Variants in TMEM266 observed in about 807,000 individuals in gnomAD.
TMEM266 encodes Hv1 related protein 1.
In TMEM266, 33 loss-of-function variants were observed where a neutral mutation model predicts 50.5. The observed-to-expected ratio is 0.65, with a 90% confidence interval of 0.50 to 0.87. The LOEUF is 0.87. Ranked by LOEUF, TMEM266 falls within the 40% of genes least tolerant of loss-of-function variation. The pLI is 0.00. For synonymous variants in TMEM266, 310 were observed against 292.3 expected (o/e 1.06, Z -0.62); for missense variants, 655 against 695.1 (o/e 0.94, Z 0.65).
intron 1 of TMEM266, among the ~76,000 whole-genome samples, chr15:76,075,640 A>T (rs2036594156): frequency 6.6e-6 from 1 of 151,900 alleles, no homozygotes. Context: ...CATGCTTCAC[A>T]CTTCTAGGCA....
intron 1 of TMEM266, among the ~76,000 whole-genome samples, chr15:76,062,490 A>T (rs1049801682): frequency 6.6e-6 from 1 of 152,234 alleles, no homozygotes; most frequent in Non-Finnish European, 1.5e-5. Flanking sequence ...CTGAGACAGG[A>T]TCTTTCTGTC....
Position 76,139,731 on chromosome 15 carries a change from C to T in TMEM266, c.227+1836C>T, listed in dbSNP as rs537295210. Among the ~76,000 whole-genome samples the T allele has an allele frequency of 1.2e-3, 188 of 152,364 alleles. No individual in the cohort carries two copies. The highest frequency in any genetic ancestry group is 4.4e-3 in the African/African-American group (183 of 41,588). ...CCTAGCTATTTCGGAGAATTCATTTCCTGCCCCCGGCCTGAGCCTGTTAGG... is the reference window on the plus strand; with the variant it reads ...CCTAGCTATTTCGGAGAATTCATTTTCTGCCCCCGGCCTGAGCCTGTTAGG... On this transcript the variant is annotated intron_variant, in intron 3 of 10. Coordinates refer to ENST00000388942, the MANE Select transcript of TMEM266 (RefSeq NM_152335.3). This position sits in a 1 kb window ranked among gnomAD's most constrained non-coding sequence, Gnocchi z 4.1.
intron 7 of TMEM266, 66 bp downstream of exon 7, chr15:76,171,197 G>T (rs2038183146): frequency 6.3e-7 from 1 of 1,581,640 alleles, no homozygotes; most frequent in Admixed American, 1.7e-5. Context: ...CAACTGAGAG[G>T]AGATGCCGTG....
chr15:76,177,534 T>C (rs2038306557), intron 8 of TMEM266, among the ~76,000 whole-genome samples: 1 of 152,240 alleles, frequency 6.6e-6, no homozygotes, highest in South Asian at 2.1e-4. Flanking sequence ...CCAATCTTTT[T>C]ATCTGCTTTG....
At chr15:76,140,277 G>C (rs1054219083) in intron 3 of TMEM266, among the ~76,000 whole-genome samples, 1 of 152,224 alleles carries the variant, frequency 6.6e-6, no homozygotes, top group African/African-American at 2.4e-5. Flanking sequence ...GCACAGGACC[G>C]GAGCCAGGGG....
At chr15:76,163,807 G>A (rs920815232) in intron 5 of TMEM266, among the ~76,000 whole-genome samples, 3 of 152,322 alleles carry the variant, frequency 2.0e-5, no homozygotes, top group South Asian at 4.1e-4. Context: ...GCGGAGCCGC[G>A]GCTGGCCTTC....
At chr15:76,065,569 TGTGAATCCTGGCTC>T (rs1253983692) in intron 1 of TMEM266, among the ~76,000 whole-genome samples, 1 of 152,180 alleles carries the variant, frequency 6.6e-6, no homozygotes, top group African/African-American at 2.4e-5. Flanking sequence ...CTGCCTGTGA[TGTGAATCCTGGCTC>T]TAGCACTTGC....
chr15:76,157,561 C>CA (rs752958718), intron 4 of TMEM266, among the ~76,000 whole-genome samples: 15 of 152,228 alleles, frequency 9.9e-5, no homozygotes, highest in Non-Finnish European at 2.1e-4. Context: ...GCCTACCCCC[C>CA]ACTGTTTGTC....
chr15:76,079,829 G>A (rs1013519553), intron 1 of TMEM266, among the ~76,000 whole-genome samples: 17 of 151,418 alleles, frequency 1.1e-4, no homozygotes, highest in Admixed American at 9.2e-4. Flanking sequence ...GATTTAGGGC[G>A]GTGGGGGGGT....
intron 8 of TMEM266, chr15:76,176,373 T>C (rs1450755661): frequency 2.6e-5 from 4 of 152,542 alleles, no homozygotes; most frequent in African/African-American, 7.2e-5. Context: ...AGGAGGGGGA[T>C]TGGGGTACTC....
chr15:76,077,746 C>T (rs1175663260), intron 1 of TMEM266, among the ~76,000 whole-genome samples: 6 of 152,056 alleles, frequency 3.9e-5, no homozygotes, highest in African/African-American at 1.2e-4. Flanking sequence ...GGAATGGATT[C>T]TCCCCTACAA....
At chr15:76,083,119 C>A (rs1233272504) in intron 1 of TMEM266, among the ~76,000 whole-genome samples, 1 of 152,140 alleles carries the variant, frequency 6.6e-6, no homozygotes, top group African/African-American at 2.4e-5. Flanking sequence ...ACCTCCAACA[C>A]TGGGGATCAT....
In TMEM266 at chr15:76,175,621, G is replaced by A; in HGVS notation, c.715G>A (p.Val239Ile). 1.2e-6 allele frequency: 2 copies of A among 1,614,218 alleles called. No individual in the cohort carries two copies. The highest frequency in any genetic ancestry group is 2.2e-5 in the South Asian group (2 of 91,088). The change falls in exon 8 of 11, where the codon GTC (valine) becomes ATC (isoleucine). Residue 239 changes from valine to isoleucine, a missense_variant. Physicochemically the swap from Val to Ile is conservative, Grantham distance 29 (BLOSUM62 3). Coordinates refer to ENST00000388942, the MANE Select transcript of TMEM266 (RefSeq NM_152335.3). ...TATCCAGCAGTACGAGAAGGCCAAG[G>A]TCATCCAAGACGAGCAGCTGGAGAG... is the stretch of plus-strand genomic sequence containing the variant.
chr15:76,171,097 G>A lies in TMEM266; in HGVS notation c.618G>A (p.Met206Ile). 1 of 1,613,744 alleles carries A rather than the reference G, an allele frequency of 6.2e-7. No homozygotes were observed. The highest frequency in any genetic ancestry group is 8.5e-7 in the Non-Finnish European group (1 of 1,179,834). Residue 206 changes from methionine to isoleucine, a missense_variant, in exon 7 of 11, where the codon ATG becomes ATA. Met to Ile is a conservative substitution (Grantham distance 10). Around this residue, in one of 3 missense-constraint regions of TMEM266, gnomAD observed 101 missense variants for 182.6 expected, o/e 0.55. Transcript: ENST00000388942. The stretch of plus-strand genomic sequence containing the variant: ...GGGACGCCATCAGCCTCATCATCAT[G>A]CTCCGGATCTGGAGGGTGAAGAGGG...
chr15:76,089,831 G>C (rs2036825412), intron 1 of TMEM266, among the ~76,000 whole-genome samples: 1 of 152,108 alleles, frequency 6.6e-6, no homozygotes, highest in African/African-American at 2.4e-5. Flanking sequence ...GACTAGAGAA[G>C]ATGATGAAAC....
intron 1 of TMEM266, among the ~76,000 whole-genome samples, chr15:76,085,148 AC>A (rs565291062): frequency 9.5e-4 from 143 of 150,292 alleles, no homozygotes; most frequent in African/African-American, 3.4e-3. Context: ...TTTAGTAGAG[AC>A]AGGGTTTCAC....
At chr15:76,175,754 C>G (rs746256083) in intron 8 of TMEM266, 80 bp downstream of exon 8, 14 of 1,160,732 alleles carry the variant, frequency 1.2e-5, no homozygotes, top group Non-Finnish European at 1.6e-5. Context: ...GTTGCTAGAG[C>G]TGCAGGGGCA....
intron 1 of TMEM266, among the ~76,000 whole-genome samples, chr15:76,060,691 T>C (rs1438353854): frequency 6.6e-6 from 1 of 152,180 alleles, no homozygotes; most frequent in Non-Finnish European, 1.5e-5. Context: ...CGAGAAAAGA[T>C]GGCCTTCAAC....
Position 76,187,595 on chromosome 15 carries a change from C to G in TMEM266, c.769-4373C>G, listed in dbSNP as rs140079162. Among the ~76,000 whole-genome samples, 791 of 152,342 alleles carry G rather than the reference C, an allele frequency of 5.2e-3. 8 individuals are homozygous for G. Among genetic ancestry groups the G allele is most frequent in the African/African-American group, 0.018 (731 of 41,586 alleles). The stretch of plus-strand genomic sequence containing the variant: ...AATGAGCTAGCCTCGCTTTCTCACT[C>G]TGTGAGCCCTCCAGCCACCTTTGAG... On this transcript the variant is annotated intron_variant, in intron 8 of 10. Transcript: ENST00000388942.
Sources: allele counts gnomAD v4.1 joint callset (sites outside exome capture counted in the v4.1 genomes callset), GRCh38; gene constraint gnomAD v4.1.1; regional missense constraint gnomAD v4.1.1; non-coding constraint Gnocchi (gnomAD v3.1); transcripts MANE v1.5; gene names NCBI Gene and HGNC (gene_info 2026-07-23, HGNC 2026-07-21).